Variants in C10orf90 observed in about 807,000 individuals in gnomAD.
C10orf90 encodes (E2-independent) E3 ubiquitin-conjugating enzyme FATS.
A neutral mutation model predicts 62.5 loss-of-function variants in C10orf90; 56 were observed. The observed-to-expected ratio is 0.90, with a 90% CI of 0.72 to 1.12. The LOEUF is 1.12. C10orf90 is among the 50% of genes most tolerant of loss of function. The probability of loss-of-function intolerance (pLI) is 0.00; values close to 1 mark genes in which losing one functional copy is unlikely to be tolerated. For synonymous variants in C10orf90, 386 were observed against 340.4 expected, an observed-to-expected ratio of 1.13 and a Z score of -1.47; for missense variants, 970 against 880.4, an observed-to-expected ratio of 1.10 and a Z score of -1.29.
intron 2 of C10orf90, among the ~76,000 whole-genome samples, chr10:126,525,276 C>G (rs1176580083): frequency 6.6e-6 from 1 of 152,210 alleles, no homozygotes; most frequent in Non-Finnish European, 1.5e-5. Context: ...CACTGCAAAG[C>G]CACACACGTC....
At chr10:126,513,964 T>C (rs770019697) in intron 2 of C10orf90, 25 bp from the exon 3 acceptor site, 13 of 1,480,886 alleles carry the variant, frequency 8.8e-6, no homozygotes, top group Admixed American at 6.9e-5. Flanking sequence ...ATAATATTGC[T>C]ACTTTTTAGT....
intron 4 of C10orf90, among the ~76,000 whole-genome samples, chr10:126,490,058 T>TATAATATATAATATAATA (rs1564828294): frequency 1.9e-5 from 2 of 103,110 alleles, no homozygotes; most frequent in East Asian, 2.5e-4. Context: ...TATTATGTTA[T>TATAATATATAATATAATA]ATAATATATA....
chr10:126,523,976 G>A (rs12571043), intron 2 of C10orf90, among the ~76,000 whole-genome samples: 17,939 of 152,182 alleles, frequency 0.12, 1,209 homozygotes, highest in South Asian at 0.27. Flanking sequence ...ACATCCATCA[G>A]TGGACACTAG....
At chr10:126,555,950 A>G (rs975203435) in intron 2 of C10orf90, among the ~76,000 whole-genome samples, 1 of 152,158 alleles carries the variant, frequency 6.6e-6, no homozygotes, top group Non-Finnish European at 1.5e-5. Flanking sequence ...TCACACTTTA[A>G]CCTGCCATAA....
chr10:126,537,211 A>G (rs1864261030), intron 2 of C10orf90, among the ~76,000 whole-genome samples: 1 of 152,198 alleles, frequency 6.6e-6, no homozygotes, highest in Non-Finnish European at 1.5e-5. Context: ...AATGGCTACC[A>G]TGTCATTTCC....
chr10:126,509,779 C>G (rs1207263512), intron 3 of C10orf90, among the ~76,000 whole-genome samples: 2 of 152,158 alleles, frequency 1.3e-5, no homozygotes, highest in East Asian at 3.9e-4. Context: ...ATGGGAAGTT[C>G]TGTGTATTAA....
intron 2 of C10orf90, among the ~76,000 whole-genome samples, chr10:126,517,868 C>T (rs1260692954): frequency 6.8e-6 from 1 of 147,356 alleles, no homozygotes; most frequent in African/African-American, 2.5e-5. Context: ...TGAGATCACG[C>T]CATCGCACTC....
chr10:126,666,091 T>C (rs912107098), intron 1 of C10orf90, among the ~76,000 whole-genome samples: 2 of 152,182 alleles, frequency 1.3e-5, no homozygotes, highest in African/African-American at 4.8e-5. Context: ...CATCAGGGTT[T>C]CTAGGCCTCA....
chr10:126,588,116 C>T (rs1844909581), intron 2 of C10orf90, among the ~76,000 whole-genome samples: 1 of 152,224 alleles, frequency 6.6e-6, no homozygotes. Flanking sequence ...GGCTGCCATA[C>T]TGCTATATCT....
rs559357695 is a variant in C10orf90, at chr10:126,440,627, C to T, written c.2189-10777G>A. Among the ~76,000 whole-genome samples, 51 of 152,288 alleles carry T rather than the reference C, an allele frequency of 3.3e-4. No individual in the cohort carries two copies. The South Asian group carries it at 0.01, about 30-fold the overall frequency. On this transcript the variant is annotated intron_variant, in intron 7 of 9. Coordinates refer to ENST00000488181, the MANE Select transcript of C10orf90 (RefSeq NM_001350921.2). ...AAACCACCAAAGCTAAGAACGCTCACAGAGTCCATTTCACTCCCCTGCCAC... is the reference window on the plus strand; with the variant it reads ...AAACCACCAAAGCTAAGAACGCTCATAGAGTCCATTTCACTCCCCTGCCAC...
intron 4 of C10orf90, among the ~76,000 whole-genome samples, chr10:126,477,423 C>T (rs1860949360): frequency 6.6e-6 from 1 of 152,122 alleles, no homozygotes; most frequent in Non-Finnish European, 1.5e-5. Flanking sequence ...CCACGTTTCA[C>T]ACCCTCTGGG....
Position 126,461,530 on chromosome 10 carries a change from C to G in C10orf90, c.1881G>C (p.Glu627Asp), listed in dbSNP as rs765517420. The G allele has an allele frequency of 4.3e-6, 7 of 1,613,924 alleles. No individual in the cohort carries two copies. Among genetic ancestry groups the G allele is most frequent in the Non-Finnish European group, 5.9e-6 (7 of 1,179,984 alleles). Residue 627 changes from glutamate (E) to aspartate (D), a missense_variant, in exon 6 of 10, where the codon GAG becomes GAC. Coordinates refer to ENST00000488181, the MANE Select transcript of C10orf90 (RefSeq NM_001350921.2). ...VVKIKECKKS[E>D]DPTTPEPSPA... ...GGGAGGGCTCAGGTGTGGTGGGGTC[C>G]TCACTCTTCTTACATTCCTTTATTT...
At chr10:126,579,323 T>A (rs1012478184) in intron 2 of C10orf90, among the ~76,000 whole-genome samples, 22 of 151,466 alleles carry the variant, frequency 1.5e-4, no homozygotes, top group African/African-American at 4.6e-4. Context: ...TCACCACAAC[T>A]TCTGCCTCTT....
chr10:126,538,403 G>A (rs1280040904), intron 2 of C10orf90, among the ~76,000 whole-genome samples: 1 of 152,174 alleles, frequency 6.6e-6, no homozygotes, highest in Non-Finnish European at 1.5e-5. Flanking sequence ...CGAACCACAG[G>A]AAACTAGGAG....
chr10:126,454,977 C>G (rs1014573949), intron 7 of C10orf90, among the ~76,000 whole-genome samples: 2 of 152,058 alleles, frequency 1.3e-5, no homozygotes, highest in African/African-American at 4.8e-5. Context: ...CTCCTGCCAC[C>G]TTCCCTTGGC....
intron 4 of C10orf90, among the ~76,000 whole-genome samples, chr10:126,499,927 A>G (rs1012847682): frequency 6.6e-6 from 1 of 152,248 alleles, no homozygotes; most frequent in Non-Finnish European, 1.5e-5. Context: ...CAGATGCACA[A>G]TAAAATTGGC....
intron 2 of C10orf90, among the ~76,000 whole-genome samples, chr10:126,563,829 G>A (rs183081314): frequency 6.6e-6 from 1 of 152,308 alleles, no homozygotes; most frequent in Admixed American, 6.5e-5. Flanking sequence ...CCGAGGATCA[G>A]CCAGTAGCAG....
At chr10:126,518,042 T>C (rs1053145099) in intron 2 of C10orf90, among the ~76,000 whole-genome samples, 4 of 119,028 alleles carry the variant, frequency 3.4e-5, no homozygotes, top group Admixed American at 2.8e-4. Context: ...CCTTATCAGG[T>C]TTCCCTCACT....
At chr10:126,587,971 G>C (rs552092911) in intron 2 of C10orf90, among the ~76,000 whole-genome samples, 21 of 152,302 alleles carry the variant, frequency 1.4e-4, no homozygotes, top group African/African-American at 4.8e-4. Flanking sequence ...ATCCAGGGAG[G>C]CAAGTGGCCC....
Sources: allele counts gnomAD v4.1 joint callset (sites outside exome capture counted in the v4.1 genomes callset), GRCh38; gene constraint gnomAD v4.1.1; transcripts MANE v1.5; gene names NCBI Gene and HGNC (gene_info 2026-07-23, HGNC 2026-07-21).